Variants in SMYD3 observed in about 807,000 individuals in gnomAD.
SMYD3 encodes the protein histone-lysine N-methyltransferase SMYD3.
A neutral mutation model predicts 57.7 loss-of-function variants in SMYD3; 36 were observed. That is an observed-to-expected ratio of 0.62 (90% CI 0.48 to 0.82). The LOEUF (loss-of-function observed/expected upper bound fraction) is 0.82, where lower values mean the gene tolerates loss of function less well. SMYD3 is among the 40% of genes least tolerant of loss of function. The pLI, the probability that SMYD3 is intolerant of heterozygous loss-of-function variation, is 0.00. For synonymous variants in SMYD3, 211 were observed against 195.0 expected, an observed-to-expected ratio of 1.08 and a Z score of -0.68; for missense variants, 515 against 538.8, an observed-to-expected ratio of 0.96 and a Z score of 0.44.
At chr1:246,408,935 G>A (rs1293909671) in intron 1 of SMYD3, among the ~76,000 whole-genome samples, 4 of 152,158 alleles carry the variant, frequency 2.6e-5, no homozygotes, top group African/African-American at 9.7e-5. Context: ...CTCCCAAAGT[G>A]TTGGGATTAC....
intron 5 of SMYD3, among the ~76,000 whole-genome samples, chr1:246,225,407 T>A (rs1478992897): frequency 6.8e-6 from 1 of 147,146 alleles, no homozygotes; most frequent in African/African-American, 2.5e-5. Flanking sequence ...GTAACCTTAT[T>A]AGAACAACTG....
chr1:246,494,467 G>A (rs572011587), intron 1 of SMYD3, among the ~76,000 whole-genome samples: 1 of 152,152 alleles, frequency 6.6e-6, no homozygotes, highest in African/African-American at 2.4e-5. Context: ...TCAGACATCT[G>A]GATATTTTTA....
intron 1 of SMYD3, among the ~76,000 whole-genome samples, chr1:246,504,252 CT>C (rs2068502490): frequency 6.6e-6 from 1 of 152,136 alleles, no homozygotes. Flanking sequence ...ATGTGCATCC[CT>C]TAAGGACATC....
intron 5 of SMYD3, among the ~76,000 whole-genome samples, chr1:246,124,316 A>G (rs1485575359): frequency 6.6e-6 from 1 of 152,062 alleles, no homozygotes; most frequent in Non-Finnish European, 1.5e-5. Context: ...TGACTATTTA[A>G]AAAGTTCCAA....
At chr1:246,351,675 T>C (rs535251107) in intron 2 of SMYD3, among the ~76,000 whole-genome samples, 1 of 152,254 alleles carries the variant, frequency 6.6e-6, no homozygotes, top group South Asian at 2.1e-4. Flanking sequence ...AAACCAATAG[T>C]TTGGTGTATA....
intron 5 of SMYD3, among the ~76,000 whole-genome samples, chr1:246,048,466 A>G (rs2060007811): frequency 6.6e-6 from 1 of 152,212 alleles, no homozygotes; most frequent in African/African-American, 2.4e-5. Flanking sequence ...AAAAAAGTAA[A>G]AATACTGGGT....
intron 5 of SMYD3, among the ~76,000 whole-genome samples, chr1:246,322,754 C>A (rs554727648): frequency 5.9e-5 from 9 of 152,272 alleles, no homozygotes; most frequent in Admixed American, 1.3e-4. Context: ...AATAAAGCTG[C>A]AAGTAATTTG....
intron 5 of SMYD3, among the ~76,000 whole-genome samples, chr1:246,303,376 T>C (rs1257645774): frequency 6.6e-6 from 1 of 152,176 alleles, no homozygotes; most frequent in Non-Finnish European, 1.5e-5. Context: ...GTATTGACTC[T>C]AGCACCCCTG....
rs1372480136 is a variant in SMYD3 at position 246,128,631 on chromosome 1, G to A, written c.531+198570C>T. The stretch of plus-strand genomic sequence containing the variant: ...AGCTGTTCTACATGGTACAGCCAGT[G>A]AGCAGTGGGGCTGGCCCTCAAGCCC... On this transcript the variant is annotated intron_variant, in intron 5 of 11. Coordinates refer to ENST00000490107, the MANE Select transcript of SMYD3 (RefSeq NM_001167740.2). Among the ~76,000 whole-genome samples, 4 of 152,188 alleles carry A rather than the reference G, an allele frequency of 2.6e-5. 1 individual carries two copies. Among genetic ancestry groups the A allele is most frequent in the Non-Finnish European group, 5.9e-5 (4 of 68,040 alleles).
Position 245,773,091 on chromosome 1 carries a change from A to C in SMYD3, c.1077-8942T>G, listed in dbSNP as rs1263921232. ...TGGGTTGGGGGTGGGGAGAATCACT[A>C]AAAAAAAAAAAAAAAAAAAGCATGA... On this transcript the variant is annotated intron_variant, in intron 10 of 11. Coordinates refer to ENST00000490107, the MANE Select transcript of SMYD3 (RefSeq NM_001167740.2). Among the ~76,000 whole-genome samples, 6 of 46,884 alleles carry C rather than the reference A, an allele frequency of 1.3e-4. No homozygotes were observed. In the African/African-American group the frequency reaches 1.5e-3, roughly 12 times the overall value. The allele number at this position is 46,884 out of a possible 152,430, so 30.8% of individuals were successfully genotyped here.
intron 5 of SMYD3, among the ~76,000 whole-genome samples, chr1:246,090,491 AAGAG>A (rs1309210168): frequency 6.6e-6 from 1 of 150,650 alleles, no homozygotes; most frequent in East Asian, 2.0e-4. Flanking sequence ...TCTATAGAGA[AAGAG>A]AGAGAGCTGT....
intron 9 of SMYD3, among the ~76,000 whole-genome samples, chr1:245,859,073 T>A (rs2051402196): frequency 6.6e-6 from 1 of 152,222 alleles, no homozygotes; most frequent in African/African-American, 2.4e-5. Context: ...CTGTTTGAAA[T>A]TAAAGATGCT....
chr1:246,142,150 G>A (rs73141338), intron 5 of SMYD3, among the ~76,000 whole-genome samples: 1,663 of 152,142 alleles, frequency 0.011, 26 homozygotes, highest in African/African-American at 0.037. Flanking sequence ...CCCTCAGTGG[G>A]TGCCTGAAAC....
intron 8 of SMYD3, among the ~76,000 whole-genome samples, chr1:245,878,559 C>G (rs2052611572): frequency 6.6e-6 from 1 of 152,204 alleles, no homozygotes; most frequent in Non-Finnish European, 1.5e-5. Context: ...CTGATGGACT[C>G]TTTTTCCCTA....
Position 246,011,301 on chromosome 1 carries a change from C to T in SMYD3, c.532-81364G>A, listed in dbSNP as rs545582814. ...CTTCATATTATTTCATTTTCTTTTA[C>T]TATTCTGCCTGAGCTTTGACTTTCT... On this transcript the variant is annotated intron_variant, in intron 5 of 11. Transcript: ENST00000490107. Among the ~76,000 whole-genome samples, 4 of 152,270 alleles carry T rather than the reference C, an allele frequency of 2.6e-5. No homozygotes were observed. The East Asian group carries it at 7.7e-4, about 29-fold the overall frequency.
chr1:245,930,113 C>T, intron 5 of SMYD3, 176 bp from the exon 6 acceptor site: 1 of 645,074 alleles, frequency 1.6e-6, no homozygotes, highest in Non-Finnish European at 2.9e-6. Context: ...GGGATATACT[C>T]CCCCTAAAAA....
intron 5 of SMYD3, among the ~76,000 whole-genome samples, chr1:245,982,876 G>A (rs1538293): frequency 0.1 from 15,405 of 152,168 alleles, 959 homozygotes; most frequent in South Asian, 0.23. Context: ...TTCTTTACAC[G>A]AAACAAGAAA....
At chr1:245,751,006 T>C (rs2045325418) in intron 11 of SMYD3, among the ~76,000 whole-genome samples, 1 of 152,184 alleles carries the variant, frequency 6.6e-6, no homozygotes, top group Non-Finnish European at 1.5e-5. Flanking sequence ...GTTCTCAAGG[T>C]TGAAAACAAC....
chr1:246,214,489 A>G (rs996847039), intron 5 of SMYD3, among the ~76,000 whole-genome samples: 2 of 152,212 alleles, frequency 1.3e-5, no homozygotes, highest in African/African-American at 2.4e-5. Context: ...TGAAGCTCAT[A>G]GTATCAGCTC....
Sources: allele counts gnomAD v4.1 joint callset (sites outside exome capture counted in the v4.1 genomes callset), GRCh38; gene constraint gnomAD v4.1.1; transcripts MANE v1.5; gene names NCBI Gene and HGNC (gene_info 2026-07-23, HGNC 2026-07-21).